Variants in OR5A1 observed in about 807,000 individuals in gnomAD.
The protein encoded by OR5A1 is olfactory receptor 5A1.
A neutral mutation model predicts 6.7 loss-of-function variants in OR5A1; 6 were observed. The ratio of observed to expected loss-of-function variants is 0.89; its 90% CI spans 0.49 to 1.76. OR5A1 has a LOEUF of 1.76. Among genes scored for constraint, OR5A1 ranks in the 40% most tolerant of loss-of-function variants. The pLI is 0.01. For synonymous variants in OR5A1, 170 were observed against 155.0 expected, an observed-to-expected ratio of 1.10 and a Z score of -0.72; for missense variants, 378 against 381.7, an observed-to-expected ratio of 0.99 and a Z score of 0.08.
rs1045686220 is a variant in OR5A1 at position 59,443,884 on chromosome 11, A to G, written c.716A>G (p.Lys239Arg). Residue 239 changes from lysine (K) to arginine (R), a missense_variant, in exon 2 of 2, where the codon AAA (lysine) becomes AGA (arginine). By Grantham distance (26) the Lys-to-Arg change is conservative (BLOSUM62 2). Transcript: ENST00000641045. ...LKIPSAEGRW[K>R]ACNTCASHLM... Reference sequence around the variant, plus strand: ...ATCCCTTCAGCAGAGGGCCGATGGAAAGCCTGCAACACGTGTGCCTCGCAT... The same window carrying G: ...ATCCCTTCAGCAGAGGGCCGATGGAGAGCCTGCAACACGTGTGCCTCGCAT... 1 of 1,614,060 alleles carries G rather than the reference A, an allele frequency of 6.2e-7. No individual in the cohort carries two copies. Among genetic ancestry groups the G allele is most frequent in the East Asian group, 2.2e-5 (1 of 44,868 alleles).
chr11:59,442,638 C>T (rs766475344), intron 1 of OR5A1, among the ~76,000 whole-genome samples: 6 of 152,170 alleles, frequency 3.9e-5, no homozygotes, highest in Non-Finnish European at 8.8e-5. Flanking sequence ...TTCACAACTA[C>T]ATAGCTGAAC....
At position 59,444,136 on chromosome 11, in the gene OR5A1, T is replaced by C. The variant is rs990941599; in HGVS notation, c.*20T>C. ...TCTTAGGTCATGCGTAGAAACTTATTTATCCAAACTGCTGGAGAATTAAAC... is the reference window on the plus strand; with the variant it reads ...TCTTAGGTCATGCGTAGAAACTTATCTATCCAAACTGCTGGAGAATTAAAC... On this transcript the variant is annotated 3_prime_UTR_variant, in exon 2 of 2. Coordinates refer to ENST00000641045, the MANE Select transcript of OR5A1 (RefSeq NM_001004728.2). 6.6e-7 allele frequency: 1 copy of C among 1,508,608 alleles called. No individual in the cohort carries two copies. The highest frequency in any genetic ancestry group is 1.4e-5 in the African/African-American group (1 of 72,924). The allele number at this position is 1,508,608 out of a possible 1,614,324, so 93.5% of individuals were successfully genotyped here.
rs966607547 is a variant in OR5A1 at position 59,448,298 on chromosome 11, A to G, written c.*4182A>G. On this transcript the variant is annotated 3_prime_UTR_variant, in exon 2 of 2. Transcript: ENST00000641045. ...AAGGGAAGGAACTCCCCATACACAT[A>G]CTAAGATCTTTAAGGTTACTTCACT... 2.0e-5 allele frequency: 3 copies of G among 152,082 alleles called. No homozygotes were observed. Among genetic ancestry groups the G allele is most frequent in the African/African-American group, 7.2e-5 (3 of 41,404 alleles). 9.4% of individuals were successfully genotyped at this position (152,082 alleles called of 1,614,324 possible).
chr11:59,438,466 T>C (rs1858446791), intron 1 of OR5A1, among the ~76,000 whole-genome samples: 1 of 152,142 alleles, frequency 6.6e-6, no homozygotes, highest in Non-Finnish European at 1.5e-5. Flanking sequence ...AGAACAAATA[T>C]GAAACCAATC....
intron 1 of OR5A1, among the ~76,000 whole-genome samples, chr11:59,438,343 AT>A (rs914638340): frequency 6.6e-5 from 10 of 152,140 alleles, no homozygotes; most frequent in South Asian, 2.1e-4. Context: ...GTTCAGTAGC[AT>A]TTTTTTTAAG....
rs1326350579 is a variant in OR5A1, at chr11:59,446,797, A to C, written c.*2681A>C. 2.0e-5 allele frequency: 3 copies of C among 152,214 alleles called. No individual in the cohort carries two copies. Among genetic ancestry groups the C allele is most frequent in the African/African-American group, 7.2e-5 (3 of 41,458 alleles). The allele number at this position is 152,214 out of a possible 1,614,324, so 9.4% of individuals were successfully genotyped here. On this transcript the variant is annotated 3_prime_UTR_variant, in exon 2 of 2. Coordinates refer to ENST00000641045, the MANE Select transcript of OR5A1 (RefSeq NM_001004728.2). ...CTCTCTCTCTGGCTACTTGTAACGC[A>C]TTCACTTTTCCATTGATGTAGGTCA... is the stretch of plus-strand genomic sequence containing the variant.
chr11:59,440,096 C>G (rs150311238), intron 1 of OR5A1, among the ~76,000 whole-genome samples: 321 of 152,244 alleles, frequency 2.1e-3, no homozygotes, highest in African/African-American at 7.4e-3. Context: ...CAAGGTCTCC[C>G]TTTGTCACCT....
chr11:59,447,221 G>A lies in OR5A1; in HGVS notation c.*3105G>A, dbSNP rs1474202158. The A allele has an allele frequency of 6.6e-6, 1 of 152,196 alleles. No individual in the cohort carries two copies. The highest frequency in any genetic ancestry group is 1.5e-5 in the Non-Finnish European group (1 of 68,042). The allele number at this position is 152,196 out of a possible 1,614,324, so 9.4% of individuals were successfully genotyped here. ...GCCCCTGATTAGGTTGAAGTGGGGA[G>A]GTTTTATAGTGGCAGCCAAATATAC... On this transcript the variant is annotated 3_prime_UTR_variant, in exon 2 of 2. Transcript: ENST00000641045.
rs1256109281 is a variant in OR5A1, at chr11:59,448,859, G to A, written c.*4743G>A. ...ACCCAAATTGTGACCATTGTCACAT[G>A]AAATTGACTCTTGAACTATAATATT... On this transcript the variant is annotated 3_prime_UTR_variant, in exon 2 of 2. Transcript: ENST00000641045. 1 of 152,188 alleles carries A rather than the reference G, an allele frequency of 6.6e-6. No homozygotes were observed. The highest frequency in any genetic ancestry group is 1.5e-5 in the Non-Finnish European group (1 of 68,032). 9.4% of individuals were successfully genotyped at this position (152,188 alleles called of 1,614,324 possible).
In OR5A1 at chr11:59,449,032, G is replaced by C. The variant is rs989519999; in HGVS notation, c.*4916G>C. The C allele has an allele frequency of 1.3e-5, 2 of 150,360 alleles. No individual in the cohort carries two copies. The highest frequency in any genetic ancestry group is 3.0e-5 in the Non-Finnish European group (2 of 67,472). 9.3% of individuals were successfully genotyped at this position (150,360 alleles called of 1,614,324 possible). A position where few individuals can be genotyped will look rare whatever the true frequency, so the allele number is the denominator to read the frequency against. On this transcript the variant is annotated 3_prime_UTR_variant, in exon 2 of 2. Coordinates refer to ENST00000641045, the MANE Select transcript of OR5A1 (RefSeq NM_001004728.2). ...CCTTATTAGATGTGCTATCATAATGGGTGTGTGTGTGTGTGTGTGAAAAGG... is the reference window on the plus strand; with the variant it reads ...CCTTATTAGATGTGCTATCATAATGCGTGTGTGTGTGTGTGTGTGAAAAGG...
intron 1 of OR5A1, among the ~76,000 whole-genome samples, chr11:59,439,371 T>G (rs550434757): frequency 2.0e-5 from 3 of 152,212 alleles, no homozygotes; most frequent in African/African-American, 2.4e-5. Flanking sequence ...ATGAGGTCAC[T>G]GAGCCTCTCA....
rs147186459 is a variant in OR5A1 at position 59,443,344 on chromosome 11, A to G, written c.176A>G (p.His59Arg). ...IFLIRGDTHL[H>R]TPMYFFLSNL... Reference sequence around the variant, plus strand: ...CTGATCAGAGGTGACACCCATCTGCACACACCCATGTACTTCTTCCTAAGC... The same window carrying G: ...CTGATCAGAGGTGACACCCATCTGCGCACACCCATGTACTTCTTCCTAAGC... Residue 59 changes from histidine to arginine, a missense_variant, in exon 2 of 2, where the codon CAC becomes CGC. Coordinates refer to ENST00000641045, the MANE Select transcript of OR5A1 (RefSeq NM_001004728.2). 771 of 1,613,812 alleles carry G rather than the reference A, an allele frequency of 4.8e-4. No homozygotes were observed. The African/African-American group carries it at 9.2e-3, about 19-fold the overall frequency.
chr11:59,442,988 T>TGA (rs776886779), intron 1 of OR5A1, 148 bp from the exon 2 acceptor site: 1 of 589,898 alleles, frequency 1.7e-6, no homozygotes, highest in Non-Finnish European at 3.0e-6. Context: ...CTCCCTTCTT[T>TGA]GAGAGAGAGA....
Position 59,449,076 on chromosome 11 carries a change from C to T in OR5A1, c.*4960C>T, listed in dbSNP as rs1858586181. The stretch of plus-strand genomic sequence containing the variant: ...GAAAAGGAGAGAAAAAACATGCACA[C>T]GTGTTGCTTAGTAACTTTTTAATAA... On this transcript the variant is annotated 3_prime_UTR_variant, in exon 2 of 2. Coordinates refer to ENST00000641045, the MANE Select transcript of OR5A1 (RefSeq NM_001004728.2). 1 of 152,090 alleles carries T rather than the reference C, an allele frequency of 6.6e-6. No individual in the cohort carries two copies. Among genetic ancestry groups the T allele is most frequent in the Non-Finnish European group, 1.5e-5 (1 of 68,016 alleles). 9.4% of individuals were successfully genotyped at this position (152,090 alleles called of 1,614,324 possible). A position where few individuals can be genotyped will look rare whatever the true frequency, so the allele number is the denominator to read the frequency against.
Position 59,448,789 on chromosome 11 carries a change from G to T in OR5A1, c.*4673G>T, listed in dbSNP as rs1326552448. 6.6e-6 allele frequency: 1 copy of T among 151,962 alleles called. No individual in the cohort carries two copies. Among genetic ancestry groups the T allele is most frequent in the Non-Finnish European group, 1.5e-5 (1 of 68,004 alleles). The allele number at this position is 151,962 out of a possible 1,614,324, so 9.4% of individuals were successfully genotyped here. On this transcript the variant is annotated 3_prime_UTR_variant, in exon 2 of 2. Coordinates refer to ENST00000641045, the MANE Select transcript of OR5A1 (RefSeq NM_001004728.2). ...CAAAACGCAATAAATATGCATTTTT[G>T]GTCAATTATTATAATTGATCTGTTG...
Position 59,443,512 on chromosome 11 carries a change from G to C in OR5A1, c.344G>C (p.Cys115Ser), listed in dbSNP as rs1323451520. The change falls in exon 2 of 2, where the codon TGC (cysteine) becomes TCC (serine). Residue 115 changes from cysteine to serine, a missense_variant. Physicochemically the swap from Cys to Ser is moderately radical, Grantham distance 112 (BLOSUM62 -1). Coordinates refer to ENST00000641045, the MANE Select transcript of OR5A1 (RefSeq NM_001004728.2). ...TTTGTCGGCATGGGTCTGTCTGAGTGCCTCCTCCTGACTGCTATGGCATAC... is the reference window on the plus strand; with the variant it reads ...TTTGTCGGCATGGGTCTGTCTGAGTCCCTCCTCCTGACTGCTATGGCATAC... ...FFFVGMGLSE[C>S]LLLTAMAYDR... is the part of the protein sequence containing the mutation. 1 of 1,613,904 alleles carries C rather than the reference G, an allele frequency of 6.2e-7. No individual in the cohort carries two copies. Among genetic ancestry groups the C allele is most frequent in the East Asian group, 2.2e-5 (1 of 44,874 alleles).
intron 1 of OR5A1, 33 bp downstream of exon 1, chr11:59,436,868 A>T (rs1275831478): frequency 1.3e-5 from 2 of 152,202 alleles, no homozygotes; most frequent in African/African-American, 4.8e-5. Flanking sequence ...CTTCATGCCC[A>T]TATTAATCTC....
chr11:59,443,891 C>G lies in OR5A1; in HGVS notation c.723C>G (p.Cys241Trp). ...CAGCAGAGGGCCGATGGAAAGCCTG[C>G]AACACGTGTGCCTCGCATCTGATGG... ...IPSAEGRWKACNTCASHLMVV... is the reference protein window; with the variant it reads ...IPSAEGRWKAWNTCASHLMVV... Residue 241 changes from cysteine (C) to tryptophan (W), a missense_variant, in exon 2 of 2, where the codon TGC becomes TGG. By Grantham distance (215) the Cys-to-Trp change is radical (BLOSUM62 -2). Coordinates refer to ENST00000641045, the MANE Select transcript of OR5A1 (RefSeq NM_001004728.2). The G allele has an allele frequency of 1.2e-6, 2 of 1,614,108 alleles. No homozygotes were observed. Among genetic ancestry groups the G allele is most frequent in the Non-Finnish European group, 1.7e-6 (2 of 1,179,982 alleles).
At position 59,436,748 on chromosome 11, in the gene OR5A1, A is replaced by T. The variant is rs559231874; in HGVS notation, c.-121A>T. ...CATTAGCACTTTGGTAATTGGAAGC[A>T]GCCACTGAAACCCAATTAAACTCCT... On this transcript the variant is annotated 5_prime_UTR_variant, in exon 1 of 2. Coordinates refer to ENST00000641045, the MANE Select transcript of OR5A1 (RefSeq NM_001004728.2). The T allele has an allele frequency of 3.3e-5, 5 of 152,342 alleles. No individual in the cohort carries two copies. The East Asian group carries it at 9.6e-4, about 29-fold the overall frequency. The allele number at this position is 152,342 out of a possible 1,614,324, so 9.4% of individuals were successfully genotyped here. A position where few individuals can be genotyped will look rare whatever the true frequency, so the allele number is the denominator to read the frequency against.
Sources: allele counts gnomAD v4.1 joint callset (sites outside exome capture counted in the v4.1 genomes callset), GRCh38; gene constraint gnomAD v4.1.1; transcripts MANE v1.5; gene names NCBI Gene and HGNC (gene_info 2026-07-23, HGNC 2026-07-21).